EEF2K: variants seen among roughly 807,000 people sequenced by gnomAD.
EEF2K encodes alternative protein EEF2K.
EEF2K carries 70 observed loss-of-function variants against 93.8 expected under a neutral mutation model. The ratio of observed to expected loss-of-function variants is 0.75; its 90% CI spans 0.62 to 0.91. EEF2K has a LOEUF of 0.91. Ranked by LOEUF, EEF2K falls within the 40% of genes least tolerant of loss-of-function variation. The pLI is 0.00. For missense variants in EEF2K, 935 were observed against 972.9 expected, an observed-to-expected ratio of 0.96 and a Z score of 0.52; for synonymous variants, 376 against 380.8, an observed-to-expected ratio of 0.99 and a Z score of 0.15.
At chr16:22,251,956 G>C (rs1308977966) in intron 6 of EEF2K, among the ~76,000 whole-genome samples, 1 of 151,752 alleles carries the variant, frequency 6.6e-6, no homozygotes, top group Non-Finnish European at 1.5e-5. Context: ...ACCATGCCTA[G>C]CTAATTTTTG....
chr16:22,270,518 C>G (rs1783140769), intron 15 of EEF2K, among the ~76,000 whole-genome samples: 1 of 152,004 alleles, frequency 6.6e-6, no homozygotes, highest in Admixed American at 6.6e-5. Flanking sequence ...TCCCAAAGTG[C>G]TGGATTACAG....
chr16:22,271,936 T>C (rs903155615), intron 15 of EEF2K, among the ~76,000 whole-genome samples: 4 of 152,224 alleles, frequency 2.6e-5, no homozygotes, highest in East Asian at 1.9e-4. Context: ...TTGCCTCTGA[T>C]GTGAGCGACC....
chr16:22,260,645 A>C, intron 11 of EEF2K, 116 bp downstream of exon 11: 1 of 1,259,614 alleles, frequency 7.9e-7, no homozygotes, highest in Non-Finnish European at 1.1e-6. Context: ...AGGCACTGCC[A>C]GGAGGGCACA....
chr16:22,253,146 G>A (rs1598188867), intron 6 of EEF2K, among the ~76,000 whole-genome samples: 1 of 152,140 alleles, frequency 6.6e-6, no homozygotes, highest in African/African-American at 2.4e-5. Flanking sequence ...CCCCTGCTAG[G>A]TTGGCACCTT....
chr16:22,248,724 G>C, intron 3 of EEF2K, 31 bp from the exon 4 acceptor site: 1 of 1,612,774 alleles, frequency 6.2e-7, no homozygotes, highest in Non-Finnish European at 8.5e-7. Flanking sequence ...CGTGATGGAC[G>C]CTGTGCCCCA....
intron 15 of EEF2K, among the ~76,000 whole-genome samples, chr16:22,267,267 T>A (rs1401848601): frequency 2.0e-5 from 3 of 152,030 alleles, no homozygotes; most frequent in Non-Finnish European, 4.4e-5. Context: ...AGTAGATGCT[T>A]GGTAGAGATT....
chr16:22,214,668 C>CAAA (rs2046943242), intron 1 of EEF2K, among the ~76,000 whole-genome samples: 2 of 151,852 alleles, frequency 1.3e-5, no homozygotes, highest in Non-Finnish European at 2.9e-5. Flanking sequence ...CTCTCAGCAA[C>CAAA]AACAACAACA....
intron 1 of EEF2K, among the ~76,000 whole-genome samples, chr16:22,207,255 T>C (rs550546082): frequency 6.6e-6 from 1 of 152,168 alleles, no homozygotes; most frequent in African/African-American, 2.4e-5. Flanking sequence ...CCTAGATCCT[T>C]TTGCGCGCGC....
At chr16:22,224,200 GA>G (rs1309817265) in intron 1 of EEF2K, among the ~76,000 whole-genome samples, 1 of 152,068 alleles carries the variant, frequency 6.6e-6, no homozygotes, top group East Asian at 1.9e-4. Flanking sequence ...CTGTCTCAAA[GA>G]AAAACAAACA....
intron 3 of EEF2K, among the ~76,000 whole-genome samples, chr16:22,248,486 G>A (rs1460611532): frequency 6.6e-6 from 1 of 152,186 alleles, no homozygotes; most frequent in African/African-American, 2.4e-5. Context: ...AAACAGCACA[G>A]CAGTGAGTGC....
intron 3 of EEF2K, among the ~76,000 whole-genome samples, chr16:22,247,380 G>T (rs182100123): frequency 6.6e-6 from 1 of 150,996 alleles, no homozygotes; most frequent in African/African-American, 2.4e-5. Flanking sequence ...CCCAAGAAGC[G>T]GAGGTTGTAG....
chr16:22,210,710 G>GGCTT (rs2046906430), intron 1 of EEF2K, among the ~76,000 whole-genome samples: 1 of 152,130 alleles, frequency 6.6e-6, no homozygotes, highest in Non-Finnish European at 1.5e-5. Context: ...GTTCAGGGGA[G>GGCTT]GCTTCATGAA....
intron 2 of EEF2K, among the ~76,000 whole-genome samples, chr16:22,231,219 G>A (rs977296123): frequency 1.3e-5 from 2 of 150,598 alleles, no homozygotes; most frequent in African/African-American, 4.9e-5. Context: ...CTTCCGAATA[G>A]CTGGGATTAC....
intron 2 of EEF2K, among the ~76,000 whole-genome samples, chr16:22,238,667 GAAAA>G (rs10708756): frequency 3.2e-5 from 3 of 93,464 alleles, no homozygotes; most frequent in South Asian, 3.7e-4. Context: ...AAGAAAAAAG[GAAAA>G]AAAAAAAAAA....
chr16:22,206,885 G>A (rs1229194626), intron 1 of EEF2K, among the ~76,000 whole-genome samples: 8 of 152,298 alleles, frequency 5.3e-5, no homozygotes, highest in Non-Finnish European at 8.8e-5. Flanking sequence ...GAGAAATGGG[G>A]AAGTTGTGCG....
At chr16:22,207,812 C>T (rs1173187284) in intron 1 of EEF2K, among the ~76,000 whole-genome samples, 1 of 152,120 alleles carries the variant, frequency 6.6e-6, no homozygotes, top group Non-Finnish European at 1.5e-5. Context: ...AATGGGAATA[C>T]AGAGCAAGCA....
chr16:22,277,786 C>G (rs896033623), intron 16 of EEF2K, among the ~76,000 whole-genome samples: 8 of 152,288 alleles, frequency 5.3e-5, no homozygotes, highest in Admixed American at 5.2e-4. Context: ...ATATCTGAGG[C>G]TGAGGAATTT....
rs1367175211 is a variant in EEF2K, at chr16:22,251,336, C to T, written c.618+14C>T. 4 of 1,613,016 alleles carry T rather than the reference C, an allele frequency of 2.5e-6. No homozygotes were observed. In the African/African-American group the frequency reaches 5.3e-5, roughly 22 times the overall value. On this transcript the variant is annotated intron_variant, in intron 6 of 17. Coordinates refer to ENST00000263026, the MANE Select transcript of EEF2K (RefSeq NM_013302.5). ...CCCCCCAAGCAGGTGCGTGGCCCCACTACCTGCCCCCTTTCCATGCCAGGG... is the reference window on the plus strand; with the variant it reads ...CCCCCCAAGCAGGTGCGTGGCCCCATTACCTGCCCCCTTTCCATGCCAGGG...
At chr16:22,234,027 C>T (rs917777396) in intron 2 of EEF2K, among the ~76,000 whole-genome samples, 3 of 152,204 alleles carry the variant, frequency 2.0e-5, no homozygotes, top group Non-Finnish European at 4.4e-5. Flanking sequence ...CTTGTCCTGC[C>T]ACAAACAGCA....
Sources: allele counts gnomAD v4.1 joint callset (sites outside exome capture counted in the v4.1 genomes callset), GRCh38; gene constraint gnomAD v4.1.1; transcripts MANE v1.5; gene names NCBI Gene and HGNC (gene_info 2026-07-23, HGNC 2026-07-21).